Variants in GRIP1 observed in about 807,000 individuals in gnomAD.
GRIP1 encodes the protein glutamate receptor interacting protein 1.
A neutral mutation model predicts 129.9 loss-of-function variants in GRIP1; 45 were observed. The observed-to-expected ratio is 0.35, with a 90% CI of 0.27 to 0.44. GRIP1 has a LOEUF of 0.44. Among genes scored for constraint, GRIP1 ranks in the 20% least tolerant of loss-of-function variants. The probability of loss-of-function intolerance (pLI) is 1.00; values close to 1 mark genes in which losing one functional copy is unlikely to be tolerated. For missense variants in GRIP1, 1,196 were observed against 1,396.8 expected, an observed-to-expected ratio of 0.86 and a Z score of 2.29; for synonymous variants, 530 against 520.8, an observed-to-expected ratio of 1.02 and a Z score of -0.24.
chr12:67,015,172 T>A (rs1045720846), intron 1 of GRIP1, among the ~76,000 whole-genome samples: 3 of 151,802 alleles, frequency 2.0e-5, no homozygotes, highest in African/African-American at 7.3e-5. Context: ...CTAGGTAGAG[T>A]CCTACTCTGA....
intron 1 of GRIP1, among the ~76,000 whole-genome samples, chr12:66,603,021 C>A (rs949408300): frequency 6.6e-6 from 1 of 151,422 alleles, no homozygotes; most frequent in African/African-American, 2.4e-5. Flanking sequence ...CCAAGCCTGA[C>A]TTTTTTAAAA....
chr12:66,920,177 T>C lies in GRIP1; in HGVS notation c.58+148873A>G, dbSNP rs111666716. ...AGAAAAAAACTACCCAAAAAATGCC[T>C]GACTTTGACGAACCTGTATTAAATA... is the stretch of plus-strand genomic sequence containing the variant. On this transcript the variant is annotated intron_variant, in intron 1 of 1. Coordinates refer to the GRIP1 transcript ENST00000643019. 3.1e-3 allele frequency among the ~76,000 whole-genome samples: 477 copies of C among 152,264 alleles called. 1 individual carries two copies. The highest frequency in any genetic ancestry group is 0.011 in the African/African-American group (455 of 41,538).
chr12:66,433,517 C>T (rs1196245865), intron 13 of GRIP1, among the ~76,000 whole-genome samples: 1 of 152,158 alleles, frequency 6.6e-6, no homozygotes, highest in African/African-American at 2.4e-5. Flanking sequence ...GAGAGAGAAC[C>T]AGTGTACACT....
intron 1 of GRIP1, among the ~76,000 whole-genome samples, chr12:66,841,845 C>G (rs773921635): frequency 3.7e-4 from 57 of 152,254 alleles, no homozygotes; most frequent in Admixed American, 8.5e-4. Flanking sequence ...TTATATTTGC[C>G]TATTCTGTAA....
chr12:67,039,787 C>T (rs1038461058), intron 1 of GRIP1, among the ~76,000 whole-genome samples: 3 of 152,112 alleles, frequency 2.0e-5, no homozygotes, highest in African/African-American at 7.2e-5. Context: ...AGTTCTAGGC[C>T]TTCTTGAGTG....
At chr12:66,930,457 T>G (rs912940404) in intron 1 of GRIP1, among the ~76,000 whole-genome samples, 1 of 150,998 alleles carries the variant, frequency 6.6e-6, no homozygotes, top group Admixed American at 6.6e-5. Context: ...TATGGCTGCA[T>G]AGTATTCCAT....
intron 1 of GRIP1, among the ~76,000 whole-genome samples, chr12:67,053,742 G>A (rs1414861870): frequency 6.6e-6 from 1 of 151,944 alleles, no homozygotes; most frequent in Non-Finnish European, 1.5e-5. Context: ...GGAGGCCGAG[G>A]CAGGAGAATC....
At chr12:66,422,894 A>G (rs2057857394) in intron 14 of GRIP1, among the ~76,000 whole-genome samples, 1 of 152,158 alleles carries the variant, frequency 6.6e-6, no homozygotes, top group Admixed American at 6.6e-5. Context: ...GATCCTGCCC[A>G]TCACCACCAT....
At chr12:66,366,292 G>T (rs1406771432) in intron 23 of GRIP1, among the ~76,000 whole-genome samples, 1 of 152,190 alleles carries the variant, frequency 6.6e-6, no homozygotes, top group African/African-American at 2.4e-5. Context: ...GGCTGAGCCT[G>T]TTCCTGACTC....
At chr12:66,718,900 T>C (rs1050437516) in intron 1 of GRIP1, among the ~76,000 whole-genome samples, 6 of 152,016 alleles carry the variant, frequency 3.9e-5, no homozygotes, top group African/African-American at 1.4e-4. Context: ...TGTAAACTTA[T>C]AGGAAGAGTT....
At chr12:66,796,272 TC>T (rs1319031689) in intron 1 of GRIP1, among the ~76,000 whole-genome samples, 1 of 151,970 alleles carries the variant, frequency 6.6e-6, no homozygotes, top group East Asian at 1.9e-4. Flanking sequence ...TGGTTTTAAA[TC>T]TACATTTTTC....
At chr12:66,910,129 ATTTCCCTTGT>A (rs1443332057) in intron 1 of GRIP1, among the ~76,000 whole-genome samples, 1 of 152,054 alleles carries the variant, frequency 6.6e-6, no homozygotes, top group Non-Finnish European at 1.5e-5. Flanking sequence ...TGAAATATGA[ATTTCCCTTGT>A]TTGGAAGCAA....
intron 1 of GRIP1, among the ~76,000 whole-genome samples, chr12:67,066,909 T>TATATAC (rs1555170047): frequency 2.8e-5 from 4 of 142,058 alleles, no homozygotes; most frequent in Non-Finnish European, 3.0e-5. Flanking sequence ...TATATATATA[T>TATATAC]ATACACACAC....
intron 23 of GRIP1, among the ~76,000 whole-genome samples, chr12:66,368,456 C>T (rs992520897): frequency 2.6e-5 from 4 of 152,100 alleles, no homozygotes; most frequent in African/African-American, 4.8e-5. Context: ...ATGTTTAGCC[C>T]GGTGTGCTAT....
chr12:66,676,754 C>T (rs577190220), intron 1 of GRIP1, among the ~76,000 whole-genome samples: 2 of 152,184 alleles, frequency 1.3e-5, no homozygotes, highest in African/African-American at 4.8e-5. Flanking sequence ...CCACCCCTGT[C>T]CCCAAATACA....
At chr12:66,575,609 T>A (rs559718665) in intron 2 of GRIP1, among the ~76,000 whole-genome samples, 30 of 152,206 alleles carry the variant, frequency 2.0e-4, no homozygotes, top group Non-Finnish European at 4.1e-4. Flanking sequence ...AAAGAATAGA[T>A]CCTGGATAGG....
rs1565655525 is a variant in GRIP1, at chr12:66,351,555, G to GTTTTTTT, written c.3159+1861_3159+1862insAAAAAAA. On this transcript the variant is annotated intron_variant, in intron 24 of 24. Coordinates refer to ENST00000359742, the MANE Select transcript of GRIP1 (RefSeq NM_001366722.1). ...AGTATATGCAGGGAAACAGGAAGGTGGTTTTTTTTTTTTTTTTTTTGGAAA... is the reference window on the plus strand; with the variant it reads ...AGTATATGCAGGGAAACAGGAAGGTGTTTTTTTGTTTTTTTTTTTTTTTTTTTGGAAA... Among the ~76,000 whole-genome samples the GTTTTTTT allele has an allele frequency of 6.2e-3, 893 of 143,276 alleles. 23 individuals are homozygous for GTTTTTTT. The highest frequency in any genetic ancestry group is 0.019 in the African/African-American group (720 of 37,346). 94.0% of individuals were successfully genotyped at this position (143,276 alleles called of 152,430 possible).
intron 1 of GRIP1, among the ~76,000 whole-genome samples, chr12:66,733,026 G>A (rs1952981160): frequency 6.6e-6 from 1 of 152,110 alleles, no homozygotes; most frequent in South Asian, 2.1e-4. Context: ...GACTTTCTAT[G>A]TTTTTTAAAA....
At chr12:66,453,743 T>A (rs2058873667) in intron 11 of GRIP1, among the ~76,000 whole-genome samples, 1 of 152,188 alleles carries the variant, frequency 6.6e-6, no homozygotes, top group Non-Finnish European at 1.5e-5. Context: ...AATTACCCAA[T>A]GAAGTGATTT....
Sources: gnomAD v4.1 joint callset for allele counts (sites outside exome capture counted in the v4.1 genomes callset) on GRCh38, gnomAD v4.1.1 for gene constraint, MANE v1.5 for transcripts, NCBI Gene and HGNC (gene_info 2026-07-23, HGNC 2026-07-21) for gene names.